SMIM36: variants seen among roughly 807,000 people sequenced by gnomAD.
SMIM36 encodes the protein small integral membrane protein 36.
At chr17:55,507,995 G>C (rs1305573521) in intron 1 of SMIM36, among the ~76,000 whole-genome samples, 1 of 152,138 alleles carries the variant, frequency 6.6e-6, no homozygotes, top group Non-Finnish European at 1.5e-5. Flanking sequence ...GGCATGACTG[G>C]TGCTTTTACC....
the SMIM36 span, among the ~76,000 whole-genome samples, chr17:55,525,900 C>T: frequency 7.9e-5 from 12 of 152,170 alleles, no homozygotes; most frequent in African/African-American, 2.4e-4. Flanking sequence ...TCAAGCGATC[C>T]GCCTGCCTCG....
chr17:55,525,855 T>C, the SMIM36 span, among the ~76,000 whole-genome samples: 5 of 152,008 alleles, frequency 3.3e-5, no homozygotes, highest in African/African-American at 1.2e-4. Flanking sequence ...ATGGGGTTTC[T>C]CCATGTTGGC....
At chr17:55,496,105 T>G (rs921870292) in intron 1 of SMIM36, among the ~76,000 whole-genome samples, 2 of 152,202 alleles carry the variant, frequency 1.3e-5, no homozygotes, top group Admixed American at 1.3e-4. Context: ...AAGAATGTCT[T>G]TATCAATTCT....
chr17:55,495,820 A>G (rs1909797522), intron 1 of SMIM36, among the ~76,000 whole-genome samples: 4 of 152,156 alleles, frequency 2.6e-5, no homozygotes, highest in African/African-American at 2.4e-5. Flanking sequence ...AAAAAGACCA[A>G]TAATGGGTAA....
intron 4 of SMIM36, chr17:55,458,188 A>G (rs1162410367): frequency 1.3e-5 from 2 of 152,196 alleles, no homozygotes; most frequent in South Asian, 2.1e-4. Flanking sequence ...ACCAAGAATA[A>G]TGACATGATC....
chr17:55,451,455 C>T (rs867830557), intron 4 of SMIM36, among the ~76,000 whole-genome samples: 3 of 152,192 alleles, frequency 2.0e-5, no homozygotes, highest in Admixed American at 6.5e-5. Context: ...TATGTTTTAT[C>T]TTCAAGTTCC....
At chr17:55,531,255 G>A in the SMIM36 span, among the ~76,000 whole-genome samples, 1 of 152,100 alleles carries the variant, frequency 6.6e-6, no homozygotes, top group Non-Finnish European at 1.5e-5. Context: ...CAATAATGTG[G>A]CAGTTACTTG....
At chr17:55,525,398 G>T in the SMIM36 span, among the ~76,000 whole-genome samples, 1 of 151,978 alleles carries the variant, frequency 6.6e-6, no homozygotes, top group Non-Finnish European at 1.5e-5. Context: ...TTAATACCAA[G>T]TCCAAATCCT....
chr17:55,502,457 G>A (rs1402867226), intron 1 of SMIM36, among the ~76,000 whole-genome samples: 20 of 106,784 alleles, frequency 1.9e-4, no homozygotes, highest in African/African-American at 9.2e-4. Flanking sequence ...CCCCCCAGCA[G>A]GGGCACACTG....
At chr17:55,462,831 G>A (rs1909168802) in intron 4 of SMIM36, among the ~76,000 whole-genome samples, 1 of 152,020 alleles carries the variant, frequency 6.6e-6, no homozygotes, top group Non-Finnish European at 1.5e-5. Flanking sequence ...AGGCCTCTGG[G>A]GTTATGAGCC....
intron 4 of SMIM36, among the ~76,000 whole-genome samples, chr17:55,463,736 G>T (rs928919174): frequency 1.3e-5 from 2 of 152,124 alleles, no homozygotes; most frequent in African/African-American, 2.4e-5. Flanking sequence ...TTCAGAAACA[G>T]GAAGCCTGGG....
chr17:55,530,880 G>T, the SMIM36 span, among the ~76,000 whole-genome samples: 2 of 152,100 alleles, frequency 1.3e-5, no homozygotes. Context: ...GTGACAGGTT[G>T]TTTTTTTGAC....
intron 4 of SMIM36, among the ~76,000 whole-genome samples, chr17:55,457,619 C>T (rs540324385): frequency 7.2e-4 from 110 of 151,764 alleles, no homozygotes; most frequent in African/African-American, 2.6e-3. Context: ...CTCCGCCTCC[C>T]GGGTTCAAGC....
the SMIM36 span, among the ~76,000 whole-genome samples, chr17:55,531,219 A>T: frequency 6.6e-6 from 1 of 151,776 alleles, no homozygotes; most frequent in Non-Finnish European, 1.5e-5. Flanking sequence ...TCTTCCGCTG[A>T]CCTCCCCACA....
At chr17:55,490,095 TCTGC>T (rs1224338021) in intron 1 of SMIM36, among the ~76,000 whole-genome samples, 1 of 152,052 alleles carries the variant, frequency 6.6e-6, no homozygotes, top group Non-Finnish European at 1.5e-5. Context: ...GACCTCGTAA[TCTGC>T]CTGCCTTGAC....
chr17:55,501,982 G>C (rs1000414094), intron 1 of SMIM36, among the ~76,000 whole-genome samples: 1 of 149,906 alleles, frequency 6.7e-6, no homozygotes, highest in Non-Finnish European at 1.5e-5. Context: ...TGGAAAATCG[G>C]GTCACTCCCA....
At chr17:55,515,487 C>A (rs567650150), upstream of SMIM36, among the ~76,000 whole-genome samples, 56 of 152,160 alleles carry the variant, frequency 3.7e-4, no homozygotes, top group Non-Finnish European at 6.9e-4. Context: ...GAAATAGGGT[C>A]TTGGCAGATA....
At chr17:55,522,405 T>A in the SMIM36 span, among the ~76,000 whole-genome samples, 1 of 152,184 alleles carries the variant, frequency 6.6e-6, no homozygotes, top group African/African-American at 2.4e-5. Context: ...CTGGATAACT[T>A]ATAAAGGAAA....
At chr17:55,528,555 CT>C in the SMIM36 span, among the ~76,000 whole-genome samples, 2,754 of 139,376 alleles carry the variant, frequency 0.02, 56 homozygotes, top group Middle Eastern at 0.062. Context: ...CTTTTCTTTT[CT>C]TTTTTTTTTT....
Sources: gnomAD v4.1 joint callset for allele counts (sites outside exome capture counted in the v4.1 genomes callset) on GRCh38, gnomAD v4.1.1 for gene constraint, MANE v1.5 for transcripts, NCBI Gene and HGNC (gene_info 2026-07-23, HGNC 2026-07-21) for gene names.